SDK2: variants seen among roughly 807,000 people sequenced by gnomAD.
The protein encoded by SDK2 is protein sidekick-2.
In SDK2, 105 loss-of-function variants were observed where a neutral mutation model predicts 253.9. That is an observed-to-expected ratio of 0.41 (90% CI 0.35 to 0.49). The LOEUF (loss-of-function observed/expected upper bound fraction) is 0.49, where lower values mean the gene tolerates loss of function less well. SDK2 is among the 20% of genes least tolerant of loss of function. SDK2 has a pLI of 0.06. For synonymous variants in SDK2, 1,249 were observed against 1,234.9 expected (o/e 1.01, Z -0.24); for missense variants, 2,608 against 3,003.0 (o/e 0.87, Z 3.07).
intron 3 of SDK2, among the ~76,000 whole-genome samples, chr17:73,458,613 G>A (rs1317029531): frequency 6.6e-6 from 1 of 152,192 alleles, no homozygotes; most frequent in East Asian, 1.9e-4. Flanking sequence ...TCTGCCCTGA[G>A]CTCTGAGATC....
chr17:73,412,077 T>TGTAGATATAC (rs2063139547), intron 18 of SDK2, among the ~76,000 whole-genome samples: 1 of 48,390 alleles, frequency 2.1e-5, no homozygotes, highest in Admixed American at 2.5e-4. Flanking sequence ...TACGTATATA[T>TGTAGATATAC]GTATATGTAT....
intron 1 of SDK2, among the ~76,000 whole-genome samples, chr17:73,571,846 C>T (rs950145176): frequency 9.9e-5 from 15 of 152,164 alleles, no homozygotes; most frequent in Non-Finnish European, 2.1e-4. Context: ...TCCCAGCCTG[C>T]AGGGGCCCAG....
At chr17:73,376,346 T>C (rs534258338) in intron 36 of SDK2, among the ~76,000 whole-genome samples, 1 of 152,180 alleles carries the variant, frequency 6.6e-6, no homozygotes, top group East Asian at 1.9e-4. Flanking sequence ...CAATAACTGC[T>C]CAATAAACAC....
chr17:73,562,284 G>A (rs78793187), intron 1 of SDK2, among the ~76,000 whole-genome samples: 2 of 152,150 alleles, frequency 1.3e-5, no homozygotes, highest in African/African-American at 4.8e-5. Flanking sequence ...TTTATCGGAC[G>A]TTTTGATATT....
intron 1 of SDK2, among the ~76,000 whole-genome samples, chr17:73,625,267 C>T (rs1311809522): frequency 6.6e-6 from 1 of 152,218 alleles, no homozygotes; most frequent in East Asian, 1.9e-4. Context: ...AAGACAGTCT[C>T]CTAGGCAAAA....
In SDK2 at chr17:73,483,782, A is replaced by G. The variant is rs576868700; in HGVS notation, c.225-11564T>C. On this transcript the variant is annotated intron_variant, in intron 2 of 44. Transcript: ENST00000392650. Reference sequence around the variant, plus strand: ...GGTCTCAAACTCCTGGCCTCAAGTGATCCACCTGCCTCGGTCTCCCAAAGT... The same window carrying G: ...GGTCTCAAACTCCTGGCCTCAAGTGGTCCACCTGCCTCGGTCTCCCAAAGT... Among the ~76,000 whole-genome samples, 7 of 144,808 alleles carry G rather than the reference A, an allele frequency of 4.8e-5. No individual in the cohort carries two copies. The South Asian group carries it at 6.6e-4, about 14-fold the overall frequency. The allele number at this position is 144,808 out of a possible 152,430, so 95.0% of individuals were successfully genotyped here.
chr17:73,377,073 T>TGTGGGATGAGGTGCCTTGTGTCTCTCC (rs1599499386), intron 36 of SDK2, among the ~76,000 whole-genome samples: 2 of 149,198 alleles, frequency 1.3e-5, no homozygotes, highest in East Asian at 2.5e-4. Flanking sequence ...TACTCCCCAC[T>TGTGGGATGAGGTGCCTTGTGTCTCTCC]TAAGCCATGG....
chr17:73,355,061 G>A (rs543346871), intron 40 of SDK2, among the ~76,000 whole-genome samples: 25 of 150,280 alleles, frequency 1.7e-4, no homozygotes, highest in African/African-American at 5.9e-4. Flanking sequence ...TGGGGACCCA[G>A]TCTACATCAG....
intron 1 of SDK2, among the ~76,000 whole-genome samples, chr17:73,605,131 G>A (rs1296609743): frequency 1.3e-5 from 2 of 152,212 alleles, no homozygotes; most frequent in Non-Finnish European, 2.9e-5. Flanking sequence ...TGACCTTGAA[G>A]CTTCGAAAAA....
rs562764127 is a variant in SDK2 at position 73,467,739 on chromosome 17, G to A, written c.331+4373C>T. Among the ~76,000 whole-genome samples, 2 of 152,176 alleles carry A rather than the reference G, an allele frequency of 1.3e-5. No individual in the cohort carries two copies. Among genetic ancestry groups the A allele is most frequent in the African/African-American group, 2.4e-5 (1 of 41,430 alleles). On this transcript the variant is annotated intron_variant, in intron 3 of 44. Transcript: ENST00000392650. The surrounding 1 kb of genome is among the most constrained non-coding windows in gnomAD (Gnocchi z 4.1). ...CTCAAGGGTCGGAAGGACTTCCTAGGGCTTTTCTAACTTCCTGGCTTTAGG... is the reference window on the plus strand; with the variant it reads ...CTCAAGGGTCGGAAGGACTTCCTAGAGCTTTTCTAACTTCCTGGCTTTAGG...
chr17:73,413,766 A>G (rs1369991223), intron 18 of SDK2, among the ~76,000 whole-genome samples: 1 of 152,228 alleles, frequency 6.6e-6, no homozygotes, highest in Admixed American at 6.5e-5. Context: ...CGAGCAGTGC[A>G]TAGAGTAGCT....
intron 26 of SDK2, 84 bp from the exon 27 acceptor site, chr17:73,393,833 G>GACT: frequency 8.9e-7 from 1 of 1,125,640 alleles, no homozygotes; most frequent in Non-Finnish European, 1.2e-6. Flanking sequence ...CCCAGGATGA[G>GACT]CAGCTGTGTG....
chr17:73,439,082 TG>T (rs2063394475), intron 6 of SDK2, among the ~76,000 whole-genome samples: 1 of 152,206 alleles, frequency 6.6e-6, no homozygotes, highest in Non-Finnish European at 1.5e-5. Flanking sequence ...CACTTGGTGA[TG>T]GAGTGAGCTC....
intron 1 of SDK2, among the ~76,000 whole-genome samples, chr17:73,545,350 G>T (rs35933201): frequency 0.031 from 4,722 of 152,196 alleles, 107 homozygotes; most frequent in Non-Finnish European, 0.049. Flanking sequence ...TGGCAGGAGG[G>T]GGACCCTGTG....
intron 3 of SDK2, among the ~76,000 whole-genome samples, chr17:73,464,042 C>G (rs114852127): frequency 9.2e-5 from 14 of 152,156 alleles, no homozygotes; most frequent in Admixed American, 9.2e-4. Context: ...CTGGTGGGCA[C>G]GGAATGGTAC....
Position 73,456,027 on chromosome 17 carries a change from T to A in SDK2, c.358A>T (p.Lys120Ter). The change falls in exon 4 of 45, where the codon AAG (lysine) becomes TAG (stop). Residue 120 changes from lysine to a stop codon, truncating the protein, a stop_gained. Coordinates refer to ENST00000392650, the MANE Select transcript of SDK2 (RefSeq NM_001144952.2). LOFTEE classifies it high-confidence loss of function. Reference sequence around the variant, plus strand: ...TCTCCGTGGGAGACGCTCTGGTGCTTCTCACCTTCCTCAAAGCTCCCCATG... The same window carrying A: ...TCTCCGTGGGAGACGCTCTGGTGCTACTCACCTTCCTCAAAGCTCCCCATG... The part of the protein sequence containing the change: ...AYMGSFEEGE[K>*]HQSVSHGEAA... 1 of 1,528,006 alleles carries A rather than the reference T, an allele frequency of 6.5e-7. No homozygotes were observed. Among genetic ancestry groups the A allele is most frequent in the Non-Finnish European group, 8.8e-7 (1 of 1,133,326 alleles). The allele number at this position is 1,528,006 out of a possible 1,614,324, so 94.7% of individuals were successfully genotyped here.
intron 1 of SDK2, among the ~76,000 whole-genome samples, chr17:73,536,485 C>A (rs1481912652): frequency 6.6e-6 from 1 of 152,244 alleles, no homozygotes; most frequent in Non-Finnish European, 1.5e-5. Flanking sequence ...AACCCCCAGG[C>A]TGGGCCACCT....
chr17:73,470,184 A>T (rs1351139535), intron 3 of SDK2, among the ~76,000 whole-genome samples: 1 of 152,054 alleles, frequency 6.6e-6, no homozygotes, highest in Non-Finnish European at 1.5e-5. Context: ...ACACATTTGC[A>T]CTCACTCACA....
At chr17:73,479,399 C>A (rs981665047) in intron 2 of SDK2, among the ~76,000 whole-genome samples, 4 of 152,202 alleles carry the variant, frequency 2.6e-5, no homozygotes, top group South Asian at 2.1e-4. Context: ...CCTGTTCCTG[C>A]AGCAGGAAGA....
Sources: gnomAD v4.1 joint callset for allele counts (sites outside exome capture counted in the v4.1 genomes callset) on GRCh38, gnomAD v4.1.1 for gene constraint, Gnocchi (gnomAD v3.1) non-coding constraint, MANE v1.5 for transcripts, NCBI Gene and HGNC (gene_info 2026-07-23, HGNC 2026-07-21) for gene names.